The following EYS variants were observed in gnomAD, a reference collection of about 807,000 sequenced individuals.
The protein encoded by EYS is protein eyes shut homolog.
EYS carries 250 observed loss-of-function variants against 282.1 expected under a neutral mutation model. The observed-to-expected ratio is 0.89, with a 90% CI of 0.80 to 0.98. The LOEUF (loss-of-function observed/expected upper bound fraction) is 0.98, where lower values mean the gene tolerates loss of function less well. Among genes scored for constraint, EYS ranks in the 50% least tolerant of loss-of-function variants. The pLI is 0.00. For missense variants in EYS, 4,016 were observed against 3,709.0 expected (o/e 1.08, Z -2.15); for synonymous variants, 1,355 against 1,282.9 (o/e 1.06, Z -1.20).
At chr6:64,272,476 A>C (rs2150357873) in intron 30 of EYS, among the ~76,000 whole-genome samples, 1 of 152,328 alleles carries the variant, frequency 6.6e-6, no homozygotes, top group South Asian at 2.1e-4. Flanking sequence ...TGGTGGTGAC[A>C]AAATCTCTCA....
chr6:64,327,737 A>C (rs765436719), intron 29 of EYS, among the ~76,000 whole-genome samples: 4 of 152,184 alleles, frequency 2.6e-5, no homozygotes, highest in Non-Finnish European at 4.4e-5. Context: ...TCACAGGAAA[A>C]GCAGAAAAAA....
At chr6:64,835,717 G>T (rs558144350) in intron 19 of EYS, among the ~76,000 whole-genome samples, 4 of 151,546 alleles carry the variant, frequency 2.6e-5, no homozygotes, top group Non-Finnish European at 5.9e-5. Context: ...AACACATAGA[G>T]TCAATTATGA....
intron 12 of EYS, among the ~76,000 whole-genome samples, chr6:65,143,262 ATT>A (rs57320484): frequency 1.7e-3 from 254 of 148,998 alleles, no homozygotes; most frequent in African/African-American, 5.0e-3. Context: ...AGACTGAAAG[ATT>A]TTTTTTTTTG....
rs375663854 is a variant in EYS, at chr6:65,182,826, T to A, written c.2023+113037A>T. 7.9e-5 allele frequency among the ~76,000 whole-genome samples: 12 copies of A among 152,128 alleles called. No homozygotes were observed. In the East Asian group the frequency reaches 2.1e-3, roughly 27 times the overall value. On this transcript the variant is annotated intron_variant, in intron 12 of 42. Transcript: ENST00000503581. ...TTTTTTGAGACAAGGTCTCACTCTA[T>A]CACCCAGGCTGGAGTGCAGAGGCAC... is the stretch of plus-strand genomic sequence containing the variant.
At chr6:65,702,778 T>G (rs571298714) in intron 1 of EYS, among the ~76,000 whole-genome samples, 40 of 152,068 alleles carry the variant, frequency 2.6e-4, no homozygotes, top group Non-Finnish European at 4.9e-4. Flanking sequence ...TGTGTGTGTG[T>G]GGGTGTTTGT....
At chr6:64,909,195 G>C (rs1157731401) in intron 16 of EYS, among the ~76,000 whole-genome samples, 1 of 152,088 alleles carries the variant, frequency 6.6e-6, no homozygotes, top group Non-Finnish European at 1.5e-5. Context: ...TAGGAAATCA[G>C]TATGTTTGTT....
intron 35 of EYS, among the ~76,000 whole-genome samples, chr6:63,945,071 G>A (rs1301347022): frequency 6.6e-6 from 1 of 152,124 alleles, no homozygotes; most frequent in Non-Finnish European, 1.5e-5. Context: ...ATTATTTAAT[G>A]ACAATATGAT....
intron 36 of EYS, among the ~76,000 whole-genome samples, chr6:63,826,847 A>AAAAAAAAAAAAAAAAAAAAAAAAAC (rs1491007672): frequency 5.8e-4 from 1 of 1,728 alleles, no homozygotes; most frequent in African/African-American, 3.5e-3. Flanking sequence ...TTAAAAAGCA[A>AAAAAAAAAAAAAAAAAAAAAAAAAC]AAAAAAAAAA....
chr6:65,192,293 C>CTG (rs58238401), intron 12 of EYS, among the ~76,000 whole-genome samples: 2,833 of 142,886 alleles, frequency 0.02, 38 homozygotes, highest in African/African-American at 0.045. Flanking sequence ...TTTTTCTACT[C>CTG]TGTGTGTGTG....
intron 5 of EYS, among the ~76,000 whole-genome samples, chr6:65,476,686 C>T (rs1765417495): frequency 6.6e-6 from 1 of 152,056 alleles, no homozygotes; most frequent in South Asian, 2.1e-4. Flanking sequence ...AAGTGATTCT[C>T]CTGCCTCAGC....
chr6:64,050,794 A>G (rs1770785408), intron 33 of EYS, among the ~76,000 whole-genome samples: 1 of 152,200 alleles, frequency 6.6e-6, no homozygotes, highest in South Asian at 2.1e-4. Flanking sequence ...TCTCTTGAGG[A>G]TGTTTACATA....
intron 13 of EYS, among the ~76,000 whole-genome samples, chr6:65,008,270 T>A (rs1771749749): frequency 6.6e-6 from 1 of 152,160 alleles, no homozygotes; most frequent in Non-Finnish European, 1.5e-5. Context: ...CATACCTCTC[T>A]CACCTGATTC....
intron 2 of EYS, among the ~76,000 whole-genome samples, chr6:65,524,229 C>T (rs1463011921): frequency 6.7e-6 from 1 of 149,244 alleles, no homozygotes; most frequent in Non-Finnish European, 1.5e-5. Flanking sequence ...CACAGTAACT[C>T]TCTTCTTTGT....
chr6:65,572,054 T>C (rs1189688504), intron 2 of EYS, among the ~76,000 whole-genome samples: 1 of 152,042 alleles, frequency 6.6e-6, no homozygotes, highest in Non-Finnish European at 1.5e-5. Context: ...CTGGTGAATA[T>C]CAAAACATGA....
intron 31 of EYS, 39 bp downstream of exon 31, chr6:64,230,553 T>C (rs1305791741): frequency 6.8e-7 from 1 of 1,470,734 alleles, no homozygotes; most frequent in African/African-American, 1.4e-5. Context: ...TGGAGAGGTT[T>C]TTAAAAAGAA....
chr6:64,297,492 A>C (rs1166278666), intron 30 of EYS, among the ~76,000 whole-genome samples: 1 of 152,212 alleles, frequency 6.6e-6, no homozygotes, highest in African/African-American at 2.4e-5. Flanking sequence ...ACTTTTGAAA[A>C]CTAAAGACGA....
chr6:64,987,595 G>C (rs939265314), intron 14 of EYS, among the ~76,000 whole-genome samples: 3 of 151,462 alleles, frequency 2.0e-5, no homozygotes, highest in Non-Finnish European at 4.4e-5. Context: ...CAGAGGTACA[G>C]CATATGTAGG....
intron 12 of EYS, among the ~76,000 whole-genome samples, chr6:65,276,591 A>G (rs1344321815): frequency 6.6e-6 from 1 of 152,170 alleles, no homozygotes; most frequent in East Asian, 1.9e-4. Flanking sequence ...CTATATCTGG[A>G]ATAAAGATCA....
intron 5 of EYS, among the ~76,000 whole-genome samples, chr6:65,416,429 T>C (rs1020239160): frequency 6.6e-6 from 1 of 151,948 alleles, no homozygotes; most frequent in South Asian, 2.1e-4. Context: ...CACACACATG[T>C]ACAAACATAC....
Sources: gnomAD v4.1 joint callset for allele counts (sites outside exome capture counted in the v4.1 genomes callset) on GRCh38, gnomAD v4.1.1 for gene constraint, MANE v1.5 for transcripts, NCBI Gene and HGNC (gene_info 2026-07-23, HGNC 2026-07-21) for gene names.